The following FGF14 variants were observed in gnomAD, a reference collection of about 807,000 sequenced individuals.
The protein encoded by FGF14 is fibroblast growth factor homologous factor 4.
FGF14 carries 5 observed loss-of-function variants against 25.5 expected under a neutral mutation model. The observed-to-expected ratio is 0.20, with a 90% CI of 0.10 to 0.41. The LOEUF (loss-of-function observed/expected upper bound fraction) is 0.41, where lower values mean the gene tolerates loss of function less well. Ranked by LOEUF, FGF14 falls within the 10% of genes least tolerant of loss-of-function variation. The probability of loss-of-function intolerance (pLI) is 1.00; values close to 1 mark genes in which losing one functional copy is unlikely to be tolerated. For synonymous variants in FGF14, 138 were observed against 118.3 expected (o/e 1.17, Z -1.08); for missense variants, 222 against 320.1 (o/e 0.69, Z 2.34).
chr13:101,833,615 A>C (rs79078455), intron 3 of FGF14, among the ~76,000 whole-genome samples: 2 of 152,076 alleles, frequency 1.3e-5, no homozygotes, highest in African/African-American at 4.8e-5. Context: ...GTGTATATAC[A>C]TATATACAGA....
At chr13:101,972,400 G>C (rs1038835139) in intron 1 of FGF14, among the ~76,000 whole-genome samples, 1 of 152,214 alleles carries the variant, frequency 6.6e-6, no homozygotes, top group Non-Finnish European at 1.5e-5. Context: ...ATTGGCGCCT[G>C]ATGGCATGGA....
intron 1 of FGF14, among the ~76,000 whole-genome samples, chr13:102,192,478 G>A (rs1318101181): frequency 6.6e-6 from 1 of 152,070 alleles, no homozygotes; most frequent in African/African-American, 2.4e-5. Flanking sequence ...AATAGAGATA[G>A]GCTGAAAACT....
At chr13:102,173,803 T>C (rs1411983233) in intron 1 of FGF14, among the ~76,000 whole-genome samples, 1 of 152,032 alleles carries the variant, frequency 6.6e-6, no homozygotes, top group Non-Finnish European at 1.5e-5. Flanking sequence ...AGAATGGTGA[T>C]TATCAAAAGC....
intron 1 of FGF14, among the ~76,000 whole-genome samples, chr13:101,996,670 T>C (rs2039204562): frequency 6.6e-6 from 1 of 152,174 alleles, no homozygotes; most frequent in Admixed American, 6.6e-5. Context: ...AGCAGCTCCC[T>C]CACAAATCTA....
chr13:101,713,016 C>T lies in FGF14; in HGVS notation c.*9815G>A, dbSNP rs149680966. ...AACCTGGACCCTCAGGAAAACAAGT[C>T]AAGACTAAATACAATTATGCCATAG... On this transcript the variant is annotated 3_prime_UTR_variant, in exon 5 of 5. Coordinates refer to ENST00000376143, the MANE Select transcript of FGF14 (RefSeq NM_004115.4). 81 of 152,266 alleles carry T rather than the reference C, an allele frequency of 5.3e-4. 1 individual carries two copies. The highest frequency in any genetic ancestry group is 1.8e-3 in the African/African-American group (76 of 41,556). 9.4% of individuals were successfully genotyped at this position (152,266 alleles called of 1,614,324 possible). A position where few individuals can be genotyped will look rare whatever the true frequency, so the allele number is the denominator to read the frequency against.
intron 1 of FGF14, among the ~76,000 whole-genome samples, chr13:102,334,307 C>G (rs2056725934): frequency 6.6e-6 from 1 of 152,198 alleles, no homozygotes; most frequent in Admixed American, 6.5e-5. Flanking sequence ...GGGTAGATTC[C>G]GTGAGTCAAG....
In FGF14 at chr13:102,253,721, GT is replaced by G. The variant is rs1307935616; in HGVS notation, c.208+147749del. On this transcript the variant is annotated intron_variant, in intron 1 of 4. Transcript: ENST00000376131. ...TTTGCTGTACTCTTACTCTTTATGG[GT>G]TTTTTTCCCCCACATATTTTCGATC... 3.9e-5 allele frequency among the ~76,000 whole-genome samples: 6 copies of G among 152,312 alleles called. No individual in the cohort carries two copies. The East Asian group carries it at 9.6e-4, about 24-fold the overall frequency.
intron 1 of FGF14, among the ~76,000 whole-genome samples, chr13:102,151,156 A>G (rs1402746341): frequency 2.0e-5 from 3 of 152,234 alleles, no homozygotes; most frequent in African/African-American, 7.2e-5. Flanking sequence ...GTTTTATTAT[A>G]GTACAAAGCC....
At chr13:101,823,664 C>T (rs1245536451) in intron 3 of FGF14, among the ~76,000 whole-genome samples, 2 of 150,416 alleles carry the variant, frequency 1.3e-5, no homozygotes, top group African/African-American at 2.4e-5. Flanking sequence ...CTCGAACTCC[C>T]GACCTGAGGT....
chr13:101,814,926 A>C (rs2041763226), intron 3 of FGF14, among the ~76,000 whole-genome samples: 1 of 152,232 alleles, frequency 6.6e-6, no homozygotes, highest in South Asian at 2.1e-4. Flanking sequence ...ATTTACAAGT[A>C]ACCTGTAAAT....
At chr13:102,319,873 A>G (rs2138747724) in intron 1 of FGF14, among the ~76,000 whole-genome samples, 1 of 152,298 alleles carries the variant, frequency 6.6e-6, no homozygotes, top group South Asian at 2.1e-4. Flanking sequence ...ATATACATGT[A>G]TGTATGTATA....
intron 3 of FGF14, among the ~76,000 whole-genome samples, chr13:101,740,258 A>G (rs545813218): frequency 5.3e-5 from 8 of 152,282 alleles, no homozygotes; most frequent in African/African-American, 1.7e-4. Flanking sequence ...ATTCTGCTAC[A>G]AGGGTTTTCA....
intron 1 of FGF14, among the ~76,000 whole-genome samples, chr13:102,200,586 G>A (rs760758218): frequency 1.3e-5 from 2 of 150,492 alleles, no homozygotes; most frequent in Non-Finnish European, 2.9e-5. Flanking sequence ...ACTAGCCATT[G>A]GGAAATGCAG....
chr13:102,251,577 A>G (rs762448097), intron 1 of FGF14, among the ~76,000 whole-genome samples: 1 of 152,208 alleles, frequency 6.6e-6, no homozygotes, highest in African/African-American at 2.4e-5. Flanking sequence ...ACAAGGGGCG[A>G]GGAGGGCTAG....
intron 1 of FGF14, among the ~76,000 whole-genome samples, chr13:101,957,675 A>C (rs2036594679): frequency 6.6e-6 from 1 of 152,216 alleles, no homozygotes; most frequent in South Asian, 2.1e-4. Flanking sequence ...ATTAGAGCTC[A>C]TCTTTTCCAT....
At chr13:101,739,726 G>GTGGTCACAT (rs2036420590) in intron 3 of FGF14, among the ~76,000 whole-genome samples, 1 of 152,310 alleles carries the variant, frequency 6.6e-6, no homozygotes, top group East Asian at 1.9e-4. Flanking sequence ...AGTGAAACCA[G>GTGGTCACAT]TGGTCACATT....
chr13:102,159,097 G>A (rs2047500479), intron 1 of FGF14, among the ~76,000 whole-genome samples: 1 of 140,096 alleles, frequency 7.1e-6, no homozygotes, highest in Admixed American at 7.5e-5. Context: ...CCAAGATCAT[G>A]CCATTGCACT....
chr13:101,765,720 T>A (rs1268447133), intron 3 of FGF14, among the ~76,000 whole-genome samples: 2 of 141,222 alleles, frequency 1.4e-5, no homozygotes, highest in Admixed American at 6.9e-5. Flanking sequence ...TATTATTATT[T>A]TATTTATTTA....
chr13:102,070,214 C>A (rs958043654), intron 1 of FGF14, among the ~76,000 whole-genome samples: 1 of 152,000 alleles, frequency 6.6e-6, no homozygotes, highest in African/African-American at 2.4e-5. Flanking sequence ...ACAAAATGGG[C>A]AAAATATCAG....
Sources: gnomAD v4.1 joint callset for allele counts (sites outside exome capture counted in the v4.1 genomes callset) on GRCh38, gnomAD v4.1.1 for gene constraint, MANE v1.5 for transcripts, NCBI Gene and HGNC (gene_info 2026-07-23, HGNC 2026-07-21) for gene names.